Variants in HSD17B4 observed in about 807,000 individuals in gnomAD.
HSD17B4 encodes the protein hydroxysteroid 17-beta dehydrogenase 4, also known as peroxisomal multifunctional enzyme type 2.
HSD17B4 carries 70 observed loss-of-function variants against 101.0 expected under a neutral mutation model. That is an observed-to-expected ratio of 0.69 (90% confidence interval 0.57 to 0.85). The LOEUF (loss-of-function observed/expected upper bound fraction) is 0.85, where lower values mean the gene tolerates loss of function less well. HSD17B4 is among the 40% of genes least tolerant of loss of function. The pLI is 0.00. For missense variants in HSD17B4, 984 were observed against 892.4 expected, an observed-to-expected ratio of 1.10 and a Z score of -1.31; for synonymous variants, 347 against 297.1, an observed-to-expected ratio of 1.17 and a Z score of -1.73.
At chr5:119,503,425 C>T (rs1287356714) in intron 14 of HSD17B4, among the ~76,000 whole-genome samples, 2 of 152,024 alleles carry the variant, frequency 1.3e-5, no homozygotes, top group African/African-American at 2.4e-5. Context: ...TTTTCTCAGC[C>T]TGTGCATTTT....
chr5:119,532,345 C>T (rs1037646074), intron 22 of HSD17B4, among the ~76,000 whole-genome samples: 20 of 152,058 alleles, frequency 1.3e-4, no homozygotes, highest in African/African-American at 4.6e-4. Flanking sequence ...GAAATGGCTG[C>T]AGTTTGTCTA....
chr5:119,478,958 A>G lies in HSD17B4; in HGVS notation c.559A>G (p.Ile187Val). Reference protein sequence around the residue: ...SLAIEGRKSNIHCNTIAPNAG... With the variant: ...SLAIEGRKSNVHCNTIAPNAG... ...TGCAATTGAAGGCAGGAAAAGCAAC[A>G]TTCATTGTAACACCATTGCTCCTAA... is the stretch of plus-strand genomic sequence containing the variant. Residue 187 changes from isoleucine (I) to valine (V), a missense_variant, in exon 8 of 24, where the codon ATT (isoleucine) becomes GTT (valine). By Grantham distance (29) the Ile-to-Val change is conservative. Coordinates refer to ENST00000510025, the MANE Select transcript of HSD17B4 (RefSeq NM_000414.4). 3.7e-6 allele frequency: 6 copies of G among 1,613,768 alleles called. No individual in the cohort carries two copies. The highest frequency in any genetic ancestry group is 5.1e-6 in the Non-Finnish European group (6 of 1,179,734).
At chr5:119,482,837 A>G (rs1749264764) in intron 8 of HSD17B4, among the ~76,000 whole-genome samples, 1 of 150,792 alleles carries the variant, frequency 6.6e-6, no homozygotes, top group African/African-American at 2.4e-5. Flanking sequence ...TTATTATTAA[A>G]TCTCCATTTT....
intron 2 of HSD17B4, among the ~76,000 whole-genome samples, chr5:119,473,462 A>T (rs1270343331): frequency 1.3e-5 from 2 of 150,670 alleles, no homozygotes; most frequent in Non-Finnish European, 3.0e-5. Context: ...GGGACTACAG[A>T]TACATGCCAT....
chr5:119,517,710 A>C (rs1249936706), intron 17 of HSD17B4, among the ~76,000 whole-genome samples: 2 of 151,962 alleles, frequency 1.3e-5, no homozygotes, highest in Non-Finnish European at 2.9e-5. Flanking sequence ...ACCAGTGGAC[A>C]CTCTGTATCT....
intron 1 of HSD17B4, among the ~76,000 whole-genome samples, chr5:119,454,827 G>A (rs1298697968): frequency 6.6e-6 from 1 of 151,920 alleles, no homozygotes; most frequent in African/African-American, 2.4e-5. Context: ...TCACCCTGTT[G>A]GCCAGGCTGG....
rs538395077 is a variant in HSD17B4, at chr5:119,524,182, A to G, written c.1504-1034A>G. Among the ~76,000 whole-genome samples the G allele has an allele frequency of 5.3e-5, 8 of 152,218 alleles. No homozygotes were observed. The East Asian group carries it at 1.5e-3, about 29-fold the overall frequency. On this transcript the variant is annotated intron_variant, in intron 17 of 23. Coordinates refer to ENST00000510025, the MANE Select transcript of HSD17B4 (RefSeq NM_000414.4). ...CATGTAAAGGAAAGAATATTGAGTC[A>G]TTGGGAAAGTAAATAATCTATAGAA... is the stretch of plus-strand genomic sequence containing the variant.
At chr5:119,487,948 G>A (rs1749755279) in intron 8 of HSD17B4, among the ~76,000 whole-genome samples, 1 of 152,100 alleles carries the variant, frequency 6.6e-6, no homozygotes, top group Admixed American at 6.6e-5. Context: ...GAATGCTTGT[G>A]TACTTTTGAG....
At chr5:119,473,115 A>G (rs1748156837) in intron 2 of HSD17B4, among the ~76,000 whole-genome samples, 1 of 152,106 alleles carries the variant, frequency 6.6e-6, no homozygotes, top group African/African-American at 2.4e-5. Context: ...TGTTATTTGA[A>G]GAGAATTTCA....
At chr5:119,496,748 T>G in intron 12 of HSD17B4, 102 bp downstream of exon 12, 1 of 785,902 alleles carries the variant, frequency 1.3e-6, no homozygotes, top group Middle Eastern at 2.3e-4. Flanking sequence ...TCTTTTCTTT[T>G]GGATGCAGTT....
rs1754546208 is a variant in HSD17B4 at position 119,536,461 on chromosome 5, G to A, written c.2032G>A (p.Gly678Ser). 1 of 1,612,186 alleles carries A rather than the reference G, an allele frequency of 6.2e-7. No homozygotes were observed. Among genetic ancestry groups the A allele is most frequent in the Non-Finnish European group, 8.5e-7 (1 of 1,178,666 alleles). The change falls in exon 23 of 24, where the codon GGC becomes AGC. Residue 678 changes from glycine (G) to serine (S), a missense_variant. Physicochemically the swap from Gly to Ser is moderately conservative, Grantham distance 56. Transcript: ENST00000510025. ...AAGTGGTTCTGGAAAAGTGTACCAAGGCCCTGCAAAAGGTGCTGCTGATAC... is the reference window on the plus strand; with the variant it reads ...AAGTGGTTCTGGAAAAGTGTACCAAAGCCCTGCAAAAGGTGCTGCTGATAC... ...LKSGSGKVYQ[G>S]PAKGAADTTI...
At position 119,542,241 on chromosome 5, in the gene HSD17B4, A is replaced by C. The variant is rs946831924; in HGVS notation, c.*247A>C. 1.9e-5 allele frequency: 6 copies of C among 311,834 alleles called. No individual in the cohort carries two copies. Among genetic ancestry groups the C allele is most frequent in the Non-Finnish European group, 3.5e-5 (6 of 169,172 alleles). The allele number at this position is 311,834 out of a possible 1,614,324, so 19.3% of individuals were successfully genotyped here. A position where few individuals can be genotyped will look rare whatever the true frequency, so the allele number is the denominator to read the frequency against. ...TCTTAGATCTGTATCTTCATAATAAAAAATTTTGCCCAAGTCCTGTTTCCT... is the reference window on the plus strand; with the variant it reads ...TCTTAGATCTGTATCTTCATAATAACAAATTTTGCCCAAGTCCTGTTTCCT... On this transcript the variant is annotated 3_prime_UTR_variant, in exon 24 of 24. Transcript: ENST00000510025.
intron 8 of HSD17B4, among the ~76,000 whole-genome samples, chr5:119,485,874 C>T (rs1449395501): frequency 2.0e-5 from 3 of 152,182 alleles, no homozygotes; most frequent in African/African-American, 7.2e-5. Flanking sequence ...ATTAAAACAG[C>T]AAACATTTAT....
intron 8 of HSD17B4, 23 bp from the exon 9 acceptor site, chr5:119,489,169 T>TA: frequency 7.1e-7 from 1 of 1,398,656 alleles, no homozygotes; most frequent in Non-Finnish European, 1.0e-6. Flanking sequence ...ATTGATAAGA[T>TA]ATGTGTATAT....
intron 2 of HSD17B4, among the ~76,000 whole-genome samples, chr5:119,470,964 A>G (rs1309930113): frequency 1.3e-5 from 2 of 152,208 alleles, no homozygotes; most frequent in Admixed American, 6.5e-5. Flanking sequence ...ACTACCCATG[A>G]TTGATCTCAA....
chr5:119,533,527 C>T (rs987142328), intron 22 of HSD17B4, among the ~76,000 whole-genome samples: 23 of 152,140 alleles, frequency 1.5e-4, no homozygotes, highest in African/African-American at 5.3e-4. Flanking sequence ...AGAGTCAAAA[C>T]TAATACTGTG....
chr5:119,479,097 A>AATAC, intron 8 of HSD17B4, 76 bp downstream of exon 8: 2 of 1,034,280 alleles, frequency 1.9e-6, no homozygotes, highest in Non-Finnish European at 3.0e-6. Flanking sequence ...AAAGTATTTA[A>AATAC]TTTTCTGAAT....
chr5:119,498,496 G>A (rs554835145), intron 12 of HSD17B4, among the ~76,000 whole-genome samples: 39 of 152,188 alleles, frequency 2.6e-4, no homozygotes, highest in South Asian at 1.0e-3. Flanking sequence ...TATTAGCTAC[G>A]CATATTATCA....
chr5:119,488,098 T>C (rs1749768986), intron 8 of HSD17B4, among the ~76,000 whole-genome samples: 4 of 152,182 alleles, frequency 2.6e-5, no homozygotes, highest in Admixed American at 2.6e-4. Flanking sequence ...TATTTGATCT[T>C]TTAGATAAAA....
Sources: gnomAD v4.1 joint callset for allele counts (sites outside exome capture counted in the v4.1 genomes callset) on GRCh38, gnomAD v4.1.1 for gene constraint, MANE v1.5 for transcripts, NCBI Gene and HGNC (gene_info 2026-07-23, HGNC 2026-07-21) for gene names.